The following SLC16A10 variants were observed in gnomAD, a reference collection of about 807,000 sequenced individuals.
The protein encoded by SLC16A10 is monocarboxylate transporter 10.
A neutral mutation model predicts 40.0 loss-of-function variants in SLC16A10; 27 were observed. The observed-to-expected ratio is 0.67, with a 90% CI of 0.50 to 0.93. The LOEUF is 0.93. Ranked by LOEUF, SLC16A10 falls within the 40% of genes least tolerant of loss-of-function variation. SLC16A10 has a pLI of 0.00. For missense variants in SLC16A10, 529 were observed against 658.2 expected (o/e 0.80, Z 2.15); for synonymous variants, 213 against 249.8 (o/e 0.85, Z 1.39).
At chr6:111,217,437 TTTGTTGTTGTTG>T (rs552141883) in intron 4 of SLC16A10, among the ~76,000 whole-genome samples, 2 of 138,498 alleles carry the variant, frequency 1.4e-5, no homozygotes, top group Non-Finnish European at 3.3e-5. Flanking sequence ...TTGTTCAGTT[TTTGTTGTTGTTG>T]TTGTTGTTGT....
At chr6:111,179,634 T>C (rs1181212241) in intron 3 of SLC16A10, among the ~76,000 whole-genome samples, 2 of 152,250 alleles carry the variant, frequency 1.3e-5, no homozygotes, top group Non-Finnish European at 2.9e-5. Context: ...GACAATGTTA[T>C]AGATACTTTT....
chr6:111,128,752 GT>G (rs890070852), intron 1 of SLC16A10, among the ~76,000 whole-genome samples: 20 of 150,636 alleles, frequency 1.3e-4, no homozygotes, highest in Non-Finnish European at 2.1e-4. Context: ...CTCCTTAGTG[GT>G]TTTTTTTTAT....
chr6:111,192,025 A>G (rs1274675074), intron 3 of SLC16A10, among the ~76,000 whole-genome samples: 1 of 152,054 alleles, frequency 6.6e-6, no homozygotes, highest in Admixed American at 6.6e-5. Flanking sequence ...GTTTAATTAG[A>G]TCCAATTTGT....
intron 1 of SLC16A10, among the ~76,000 whole-genome samples, chr6:111,140,141 A>G (rs928813633): frequency 6.6e-6 from 1 of 152,128 alleles, no homozygotes; most frequent in Non-Finnish European, 1.5e-5. Context: ...CTTCACATGT[A>G]CCCCTAAACC....
chr6:111,187,931 C>T (rs1245218179), intron 3 of SLC16A10, among the ~76,000 whole-genome samples: 1 of 152,126 alleles, frequency 6.6e-6, no homozygotes, highest in Non-Finnish European at 1.5e-5. Context: ...TACACTGGGC[C>T]AGGAATGGGC....
chr6:111,201,713 T>G (rs1380362163), intron 3 of SLC16A10, among the ~76,000 whole-genome samples: 1 of 152,264 alleles, frequency 6.6e-6, no homozygotes, highest in Non-Finnish European at 1.5e-5. Context: ...AACAGTACAG[T>G]AGGTAATTAT....
chr6:111,110,277 G>T (rs530309955), intron 1 of SLC16A10, among the ~76,000 whole-genome samples: 1 of 152,096 alleles, frequency 6.6e-6, no homozygotes, highest in Non-Finnish European at 1.5e-5. Flanking sequence ...GGCTAAGAAG[G>T]GAGGAAGTCA....
chr6:111,103,854 A>G (rs1388753913), intron 1 of SLC16A10, among the ~76,000 whole-genome samples: 1 of 152,126 alleles, frequency 6.6e-6, no homozygotes, highest in African/African-American at 2.4e-5. Context: ...CTAATACTGA[A>G]TGTTCTGACT....
At chr6:111,221,787 G>C (rs938381234) in intron 5 of SLC16A10, among the ~76,000 whole-genome samples, 1 of 150,910 alleles carries the variant, frequency 6.6e-6, no homozygotes, top group Non-Finnish European at 1.5e-5. Context: ...TTCAAGTAAT[G>C]TCTTGGTATG....
intron 1 of SLC16A10, among the ~76,000 whole-genome samples, chr6:111,127,581 G>A (rs1462044011): frequency 6.6e-6 from 1 of 152,184 alleles, no homozygotes; most frequent in East Asian, 1.9e-4. Flanking sequence ...GAAGAAATAT[G>A]TCTTTCTTGC....
At chr6:111,196,974 A>G (rs1364993920) in intron 3 of SLC16A10, among the ~76,000 whole-genome samples, 5 of 152,202 alleles carry the variant, frequency 3.3e-5, no homozygotes, top group Admixed American at 1.3e-4. Context: ...CCTCCACACC[A>G]GAACTCTGAA....
intron 4 of SLC16A10, among the ~76,000 whole-genome samples, chr6:111,208,290 T>C (rs1298915445): frequency 6.6e-6 from 1 of 152,100 alleles, no homozygotes; most frequent in Non-Finnish European, 1.5e-5. Flanking sequence ...TTGTGTTTTA[T>C]AAAGATCAAT....
At chr6:111,218,771 T>A (rs1288980343) in intron 4 of SLC16A10, 43 bp from the exon 5 acceptor site, 4 of 1,533,546 alleles carry the variant, frequency 2.6e-6, no homozygotes, top group Non-Finnish European at 3.6e-6. Flanking sequence ...ATTGTGACAT[T>A]TGCTTCCTGC....
At chr6:111,122,860 A>C (rs1173135268) in intron 1 of SLC16A10, among the ~76,000 whole-genome samples, 1 of 151,954 alleles carries the variant, frequency 6.6e-6, no homozygotes, top group Non-Finnish European at 1.5e-5. Context: ...GTTGGAGTTT[A>C]CTCTTAGTTG....
chr6:111,212,833 A>G (rs1428357528), intron 4 of SLC16A10, among the ~76,000 whole-genome samples: 2 of 151,940 alleles, frequency 1.3e-5, no homozygotes, highest in Admixed American at 6.6e-5. Flanking sequence ...AGTCAAGTCT[A>G]CTGCTCCTGC....
chr6:111,151,806 C>T (rs1284014354), intron 1 of SLC16A10, among the ~76,000 whole-genome samples: 1 of 152,214 alleles, frequency 6.6e-6, no homozygotes, highest in Non-Finnish European at 1.5e-5. Flanking sequence ...CTCTTTCCCC[C>T]ATCCTTTGCC....
intron 1 of SLC16A10, among the ~76,000 whole-genome samples, chr6:111,157,283 G>GGTT (rs558144801): frequency 8.6e-4 from 131 of 151,836 alleles, no homozygotes; most frequent in African/African-American, 2.8e-3. Context: ...GATAAAACTT[G>GGTT]GTTGTTGTTG....
At chr6:111,172,673 C>A (rs1035402303) in intron 1 of SLC16A10, 22 bp from the exon 2 acceptor site, 2 of 1,607,014 alleles carry the variant, frequency 1.2e-6, no homozygotes, top group East Asian at 2.2e-5. Flanking sequence ...TAATTCCCCC[C>A]ACGCTTTCCC....
intron 1 of SLC16A10, among the ~76,000 whole-genome samples, chr6:111,117,132 C>T (rs189377338): frequency 1.3e-5 from 2 of 151,774 alleles, no homozygotes; most frequent in Admixed American, 1.3e-4. Context: ...GGGTGGATAA[C>T]GAGGTCAGGA....
Sources: allele counts gnomAD v4.1 joint callset (sites outside exome capture counted in the v4.1 genomes callset), GRCh38; gene constraint gnomAD v4.1.1; transcripts MANE v1.5; gene names NCBI Gene and HGNC (gene_info 2026-07-23, HGNC 2026-07-21).